The following RTN2 variants were observed in gnomAD, a reference collection of about 807,000 sequenced individuals.
The protein encoded by RTN2 is reticulon-2.
RTN2 carries 36 observed loss-of-function variants against 63.7 expected under a neutral mutation model. The ratio of observed to expected loss-of-function variants is 0.56; its 90% CI spans 0.43 to 0.75. RTN2 has a LOEUF of 0.75. Ranked by LOEUF, RTN2 falls within the 30% of genes least tolerant of loss-of-function variation. The pLI, the probability that RTN2 is intolerant of heterozygous loss-of-function variation, is 0.00. For synonymous variants in RTN2, 312 were observed against 313.0 expected, an observed-to-expected ratio of 1.00 and a Z score of 0.03; for missense variants, 673 against 705.1, an observed-to-expected ratio of 0.95 and a Z score of 0.52.
chr19:45,494,490 C>T lies in RTN2; in HGVS notation c.559+36G>A. ...TGCCCCAAGGAGAAACCACCCACCC[C>T]TCTTGGCTTTGGTCCCAGCACCTCG... On this transcript the variant is annotated intron_variant, in intron 3 of 10. Transcript: ENST00000245923. This position sits in a 1 kb window ranked among gnomAD's most constrained non-coding sequence, Gnocchi z 5.3. 6.2e-6 allele frequency: 10 copies of T among 1,606,554 alleles called. No homozygotes were observed. Among genetic ancestry groups the T allele is most frequent in the Non-Finnish European group, 8.5e-6 (10 of 1,175,190 alleles).
intron 1 of RTN2, among the ~76,000 whole-genome samples, chr19:45,496,405 G>A (rs1384960017): frequency 6.6e-6 from 1 of 152,244 alleles, no homozygotes; most frequent in Non-Finnish European, 1.5e-5. Context: ...GAAGGCAAGT[G>A]ATTGGGAGCC....
chr19:45,485,949 C>A, intron 10 of RTN2, 106 bp downstream of exon 10: 1 of 1,295,570 alleles, frequency 7.7e-7, no homozygotes, highest in Non-Finnish European at 1.1e-6. Context: ...TCAGCCTTTT[C>A]AAGGGGACAT....
At chr19:45,493,655 A>G (rs144817052) in intron 4 of RTN2, among the ~76,000 whole-genome samples, 32 of 152,034 alleles carry the variant, frequency 2.1e-4, no homozygotes, top group African/African-American at 7.5e-4. Context: ...GCCACATCTA[A>G]ATAAGGAGAG....
chr19:45,494,253 A>G lies in RTN2; in HGVS notation c.727T>C (p.Trp243Arg). 6.2e-7 allele frequency: 1 copy of G among 1,613,292 alleles called. No homozygotes were observed. ...ACTGGCTCTCGCTCCAGTGGCCCCC[A>G]CTGCTTTTCTTCCTCTTCCAGCAAT... ...EPLLEEEEKQ[W>R]GPLEREPVRG... Residue 243 changes from tryptophan (W) to arginine (R), a missense_variant, in exon 4 of 11, where the codon TGG becomes CGG. Transcript: ENST00000245923. This position sits in a 1 kb window ranked among gnomAD's most constrained non-coding sequence, Gnocchi z 5.3.
chr19:45,485,981 A>G (rs1393267929), intron 10 of RTN2, 74 bp downstream of exon 10: 7 of 1,455,820 alleles, frequency 4.8e-6, no homozygotes, highest in Non-Finnish European at 6.7e-6. Context: ...ATTTGCGGAC[A>G]GCGAGAGTAG....
At position 45,494,509 on chromosome 19, in the gene RTN2, C is replaced by T. The variant is rs1042862083; in HGVS notation, c.559+17G>A. 1 of 1,610,610 alleles carries T rather than the reference C, an allele frequency of 6.2e-7. No homozygotes were observed. The highest frequency in any genetic ancestry group is 8.5e-7 in the Non-Finnish European group (1 of 1,177,678). Reference sequence around the variant, plus strand: ...CCACCCCTCTTGGCTTTGGTCCCAGCACCTCGGACATCTCACCTTCCCCAG... The same window carrying T: ...CCACCCCTCTTGGCTTTGGTCCCAGTACCTCGGACATCTCACCTTCCCCAG... On this transcript the variant is annotated intron_variant, in intron 3 of 10. Transcript: ENST00000245923. The surrounding 1 kb of genome is among the most constrained non-coding windows in gnomAD (Gnocchi z 5.3).
intron 5 of RTN2, 69 bp downstream of exon 5, chr19:45,493,091 G>A: frequency 7.2e-7 from 1 of 1,394,098 alleles, no homozygotes; most frequent in Non-Finnish European, 1.0e-6. Flanking sequence ...GGATGTGCAG[G>A]AGATAAGGGC....
chr19:45,494,361 G>C lies in RTN2; in HGVS notation c.619C>G (p.Leu207Val). 6.2e-7 allele frequency: 1 copy of C among 1,614,144 alleles called. No individual in the cohort carries two copies. Among genetic ancestry groups the C allele is most frequent in the Non-Finnish European group, 8.5e-7 (1 of 1,180,004 alleles). ...PSSPEVLTPQ[L>V]SPGSGTPQAG... ...TGGGGTGTCCCAGAGCCCGGACTGA[G>C]CTGGGGAGTCAAGACCTCGGGCGAT... The change falls in exon 4 of 11, where the codon CTC becomes GTC. Residue 207 changes from leucine (L) to valine (V), a missense_variant. Transcript: ENST00000245923. The surrounding 1 kb of genome is among the most constrained non-coding windows in gnomAD (Gnocchi z 5.3).
chr19:45,488,955 G>C lies in RTN2; in HGVS notation c.1273C>G (p.Arg425Gly). ...TGGGACAAACGTTCCGTCTGCTCCC[G>C]AGTCAGGGTGAGGTCCACATCCAGG... The part of the protein sequence containing the change: ...AYLDVDLTLT[R>G]EQTERLSHQI... Residue 425 changes from arginine (R) to glycine (G), a missense_variant, in exon 7 of 11, where the codon CGG (arginine) becomes GGG (glycine). Transcript: ENST00000245923. 1.2e-6 allele frequency: 2 copies of C among 1,611,658 alleles called. No individual in the cohort carries two copies. Among genetic ancestry groups the C allele is most frequent in the Non-Finnish European group, 8.5e-7 (1 of 1,179,068 alleles).
In RTN2 at chr19:45,488,913, C is replaced by A. The variant is rs144089256; in HGVS notation, c.1315G>T (p.Val439Leu). 6.2e-7 allele frequency: 1 copy of A among 1,609,730 alleles called. No homozygotes were observed. Among genetic ancestry groups the A allele is most frequent in the Non-Finnish European group, 8.5e-7 (1 of 1,178,424 alleles). ...ERLSHQITSR[V>L]VSAATQLRHF... ...CGCAGCTGCGTGGCCGCCGAGACCA[C>A]GCGGGAGGTGATCTGGTGGGACAAA... Residue 439 changes from valine to leucine, a missense_variant, in exon 7 of 11, where the codon GTG becomes TTG. Val to Leu is a conservative substitution (Grantham distance 32). Coordinates refer to ENST00000245923, the MANE Select transcript of RTN2 (RefSeq NM_005619.5).
At chr19:45,493,049 C>A (rs1022122561) in intron 5 of RTN2, 111 bp downstream of exon 5, 22 of 1,102,788 alleles carry the variant, frequency 2.0e-5, no homozygotes, top group Admixed American at 1.5e-4. Flanking sequence ...GCCTGCAGCG[C>A]TGCGGAAGCA....
intron 1 of RTN2, chr19:45,496,583 C>T (rs957291374): frequency 7.8e-6 from 3 of 382,284 alleles, no homozygotes; most frequent in Non-Finnish European, 1.4e-5. Context: ...GTCTCAGTGC[C>T]CCCTCACCTC....
At chr19:45,496,440 C>G (rs570324529) in intron 1 of RTN2, among the ~76,000 whole-genome samples, 2 of 152,342 alleles carry the variant, frequency 1.3e-5, no homozygotes, top group South Asian at 2.1e-4. Context: ...CATCCTGGCT[C>G]TACCCTCCGT....
Position 45,489,358 on chromosome 19 carries a change from G to A in RTN2, c.1229C>T (p.Ala410Val), listed in dbSNP as rs1214934356. The change falls in exon 6 of 11, where the codon GCC becomes GTC. Residue 410 changes from alanine (A) to valine (V), a missense_variant. Coordinates refer to ENST00000245923, the MANE Select transcript of RTN2 (RefSeq NM_005619.5). Reference sequence around the variant, plus strand: ...CGGGGGTTCTCACTGGAAAGGGTTGGCTCCATCCCCCCGGTGCACGGCCTG... The same window carrying A: ...CGGGGGTTCTCACTGGAAAGGGTTGACTCCATCCCCCCGGTGCACGGCCTG... ...VLQAVHRGDG[A>V]NPFQAYLDVD... 1 of 1,565,678 alleles carries A rather than the reference G, an allele frequency of 6.4e-7. No homozygotes were observed.
chr19:45,493,190 G>A lies in RTN2; in HGVS notation c.1003C>T (p.Leu335Phe). 1 of 1,613,006 alleles carries A rather than the reference G, an allele frequency of 6.2e-7. No homozygotes were observed. The highest frequency in any genetic ancestry group is 1.1e-5 in the South Asian group (1 of 91,030). ...CTCCCCATATCGGCTCCGAGTGAGA[G>A]GCTGGGGACACCGCTGCTTCTCGGG... Reference protein sequence around the residue: ...KSPRSSGVPSLSLGADMGSKV... With the variant: ...KSPRSSGVPSFSLGADMGSKV... Residue 335 changes from leucine to phenylalanine, a missense_variant, in exon 5 of 11, where the codon CTC becomes TTC. Leu to Phe is a conservative substitution (Grantham distance 22). Coordinates refer to ENST00000245923, the MANE Select transcript of RTN2 (RefSeq NM_005619.5).
chr19:45,492,057 C>G (rs1286277224), intron 5 of RTN2, among the ~76,000 whole-genome samples: 1 of 152,094 alleles, frequency 6.6e-6, no homozygotes, highest in Non-Finnish European at 1.5e-5. Flanking sequence ...GGTTGCAGTT[C>G]TTTTTAACTT....
chr19:45,485,973 T>C (rs1331989428), intron 10 of RTN2, 82 bp downstream of exon 10: 27 of 1,414,888 alleles, frequency 1.9e-5, no homozygotes, highest in Non-Finnish European at 2.6e-5. Context: ...CCCAGGAGAT[T>C]TGCGGACAGC....
Position 45,485,652 on chromosome 19 carries a change from G to T in RTN2, c.*56C>A. On this transcript the variant is annotated 3_prime_UTR_variant, in exon 11 of 11. Transcript: ENST00000245923. ...GGTGGGAACGGACAAGAGATGGAGG[G>T]GGCCAGAGGGCTGCGGGGGCTGGGG... 7.1e-7 allele frequency: 1 copy of T among 1,409,192 alleles called. No homozygotes were observed. The highest frequency in any genetic ancestry group is 1.0e-6 in the Non-Finnish European group (1 of 1,000,774). The allele number at this position is 1,409,192 out of a possible 1,614,324, so 87.3% of individuals were successfully genotyped here.
At position 45,489,334 on chromosome 19, in the gene RTN2, G is replaced by C. The variant is rs185630222; in HGVS notation, c.1241+12C>G. On this transcript the variant is annotated intron_variant, in intron 6 of 10. Transcript: ENST00000245923. Reference sequence around the variant, plus strand: ...AGGACAGGGGCTCAGGTCAGGGGCCGGGGGTTCTCACTGGAAAGGGTTGGC... The same window carrying C: ...AGGACAGGGGCTCAGGTCAGGGGCCCGGGGTTCTCACTGGAAAGGGTTGGC... 6.4e-7 allele frequency: 1 copy of C among 1,552,394 alleles called. No individual in the cohort carries two copies. Among genetic ancestry groups the C allele is most frequent in the Non-Finnish European group, 8.7e-7 (1 of 1,148,286 alleles).
Sources: gnomAD v4.1 joint callset for allele counts (sites outside exome capture counted in the v4.1 genomes callset) on GRCh38, gnomAD v4.1.1 for gene constraint, Gnocchi (gnomAD v3.1) non-coding constraint, MANE v1.5 for transcripts, NCBI Gene and HGNC (gene_info 2026-07-23, HGNC 2026-07-21) for gene names.